The following ADARB1 variants were observed in gnomAD, a reference collection of about 807,000 sequenced individuals.
The protein encoded by ADARB1 is double-stranded RNA-specific editase 1.
ADARB1 carries 10 observed loss-of-function variants against 52.4 expected under a neutral mutation model. The observed-to-expected ratio is 0.19, with a 90% CI of 0.12 to 0.32. The LOEUF is 0.32. ADARB1 is among the 10% of genes least tolerant of loss of function. The pLI, the probability that ADARB1 is intolerant of heterozygous loss-of-function variation, is 1.00. For missense variants in ADARB1, 643 were observed against 922.3 expected (o/e 0.70, Z 3.92); for synonymous variants, 349 against 371.1 (o/e 0.94, Z 0.68).
At chr21:45,209,074 A>G (rs2092719716) in intron 9 of ADARB1, among the ~76,000 whole-genome samples, 2 of 152,236 alleles carry the variant, frequency 1.3e-5, no homozygotes, top group African/African-American at 2.4e-5. Context: ...AATATGTTTA[A>G]ATCACTTTGA....
chr21:45,222,725 C>T lies in ADARB1; in HGVS notation c.*528C>T. 2.0e-6 allele frequency: 2 copies of T among 986,134 alleles called. No individual in the cohort carries two copies. Among genetic ancestry groups the T allele is most frequent in the Non-Finnish European group, 2.4e-6 (2 of 830,472 alleles). 61.1% of individuals were successfully genotyped at this position (986,134 alleles called of 1,614,324 possible). On this transcript the variant is annotated 3_prime_UTR_variant, in exon 11 of 11. Coordinates refer to ENST00000348831, the MANE Select transcript of ADARB1 (RefSeq NM_001112.4). ...AATAGTAGCCTAAAGGAAATCGCCA[C>T]ACGTCTGTCTAAACTTAGGTCTCTT...
At chr21:45,131,821 C>T (rs992277210) in intron 2 of ADARB1, among the ~76,000 whole-genome samples, 5 of 152,252 alleles carry the variant, frequency 3.3e-5, no homozygotes, top group Non-Finnish European at 7.3e-5. Flanking sequence ...AAGGCTTACA[C>T]AGCGTGGAGG....
At chr21:45,125,146 A>C (rs1381542409) in intron 1 of ADARB1, among the ~76,000 whole-genome samples, 1 of 152,182 alleles carries the variant, frequency 6.6e-6, no homozygotes, top group African/African-American at 2.4e-5. Flanking sequence ...TAAGCTTACA[A>C]GCTTTTTGGA....
chr21:45,183,464 C>G lies in ADARB1; in HGVS notation c.1350C>G (p.Pro450=), dbSNP rs1327715270. ...VQFHLYISTS[P]CGDARIFSPH... is the part of the protein sequence containing the mutation. Reference sequence around the variant, plus strand: ...TTCATCTGTACATCAGCACCTCTCCCTGTGGAGATGCCAGAATCTTCTCAC... The same window carrying G: ...TTCATCTGTACATCAGCACCTCTCCGTGTGGAGATGCCAGAATCTTCTCAC... The change falls in exon 7 of 11, where the codon CCC becomes CCG. Residue 450 remains proline (P), a synonymous_variant. Coordinates refer to ENST00000348831, the MANE Select transcript of ADARB1 (RefSeq NM_001112.4). 1.4e-5 allele frequency: 22 copies of G among 1,612,568 alleles called. No individual in the cohort carries two copies. Among genetic ancestry groups the G allele is most frequent in the Non-Finnish European group, 1.8e-5 (21 of 1,179,624 alleles).
chr21:45,127,789 A>G (rs760294720), intron 1 of ADARB1, among the ~76,000 whole-genome samples: 6 of 152,114 alleles, frequency 3.9e-5, no homozygotes, highest in Non-Finnish European at 5.9e-5. Context: ...TCTTTTGGAT[A>G]TCAGTTTGCT....
Position 45,175,905 on chromosome 21 carries a change from G to GAA in ADARB1, c.207_208dup (p.Arg70LysfsTer15). The GAA allele has an allele frequency of 6.2e-7, 1 of 1,610,006 alleles. No individual in the cohort carries two copies. Among genetic ancestry groups the GAA allele is most frequent in the Non-Finnish European group, 8.5e-7 (1 of 1,178,200 alleles). On this transcript the variant is annotated frameshift_variant, in exon 4 of 11. Transcript: ENST00000348831. LOFTEE classifies it high-confidence loss of function. Reference sequence around the variant, plus strand: ...ATGGCCACTCCAAGTACCGCCTGAAGAAAAGGAGGAAAACACCAGGGCCCG... The same window carrying GAA: ...ATGGCCACTCCAAGTACCGCCTGAAGAAAAAAGGAGGAAAACACCAGGGCCCG...
At chr21:45,150,048 C>A (rs1276024343) in intron 2 of ADARB1, among the ~76,000 whole-genome samples, 2 of 152,202 alleles carry the variant, frequency 1.3e-5, no homozygotes, top group Non-Finnish European at 2.9e-5. Context: ...TTTTGGGAGG[C>A]CAAGGAGGGC....
rs186385271 is a variant in ADARB1 at position 45,154,581 on chromosome 21, C to T, written c.-47-17029C>T. Among the ~76,000 whole-genome samples the T allele has an allele frequency of 1.8e-3, 275 of 152,160 alleles. 1 individual carries two copies. Among genetic ancestry groups the T allele is most frequent in the African/African-American group, 6.4e-3 (266 of 41,528 alleles). ...ATGAAAACAATGTAGTAGCAAGTTA[C>T]GGGTTTTAGTTGGCTTCAGTGGCAA... On this transcript the variant is annotated intron_variant, in intron 2 of 10. Coordinates refer to ENST00000348831, the MANE Select transcript of ADARB1 (RefSeq NM_001112.4).
intron 1 of ADARB1, among the ~76,000 whole-genome samples, chr21:45,111,416 C>T (rs1050515017): frequency 6.6e-6 from 1 of 152,172 alleles, no homozygotes; most frequent in Admixed American, 6.5e-5. Flanking sequence ...TATCAACATC[C>T]GTATCCGGAG....
At chr21:45,149,505 T>G (rs1033714184) in intron 2 of ADARB1, among the ~76,000 whole-genome samples, 6 of 152,368 alleles carry the variant, frequency 3.9e-5, no homozygotes, top group South Asian at 2.1e-4. Context: ...ATGTTGTGTC[T>G]TCTTCTTTGA....
intron 9 of ADARB1, among the ~76,000 whole-genome samples, chr21:45,211,814 C>G (rs2092774051): frequency 6.6e-6 from 1 of 152,238 alleles, no homozygotes; most frequent in Non-Finnish European, 1.5e-5. Flanking sequence ...CCCTAGTTCC[C>G]TCTTTGCAGG....
intron 1 of ADARB1, among the ~76,000 whole-genome samples, chr21:45,121,642 A>G (rs773118108): frequency 6.6e-6 from 1 of 152,110 alleles, no homozygotes; most frequent in Non-Finnish European, 1.5e-5. Context: ...CTTCGGTTCT[A>G]CTGCCCAGTT....
At position 45,202,220 on chromosome 21, in the gene ADARB1, G is replaced by A. The variant is rs139894977; in HGVS notation, c.1566-2335G>A. ...AGGGGGGCATGACTTGACCCATGGCGTAGCAGTGGCAGTGGCCAGAAGTCA... is the reference window on the plus strand; with the variant it reads ...AGGGGGGCATGACTTGACCCATGGCATAGCAGTGGCAGTGGCCAGAAGTCA... On this transcript the variant is annotated intron_variant, in intron 8 of 10. Coordinates refer to ENST00000348831, the MANE Select transcript of ADARB1 (RefSeq NM_001112.4). Among the ~76,000 whole-genome samples, 146 of 152,264 alleles carry A rather than the reference G, an allele frequency of 9.6e-4. 1 individual carries two copies. Among genetic ancestry groups the A allele is most frequent in the African/African-American group, 3.4e-3 (141 of 41,546 alleles).
In ADARB1 at chr21:45,206,560, C is replaced by CTTTT. The variant is rs71199660; in HGVS notation, c.1747+1852_1747+1855dup. ...TTTCCTCCTCAATATCTTCTCTGGTCTTTTTTTTTTTTTTTTTTTTTTTTT... is the reference window on the plus strand; with the variant it reads ...TTTCCTCCTCAATATCTTCTCTGGTCTTTTTTTTTTTTTTTTTTTTTTTTTTTTT... On this transcript the variant is annotated intron_variant, in intron 9 of 10. Coordinates refer to ENST00000348831, the MANE Select transcript of ADARB1 (RefSeq NM_001112.4). 9.8e-4 allele frequency among the ~76,000 whole-genome samples: 54 copies of CTTTT among 54,958 alleles called. 2 individuals are homozygous for CTTTT. Among genetic ancestry groups the CTTTT allele is most frequent in the East Asian group, 1.4e-3 (2 of 1,472 alleles). The allele number at this position is 54,958 out of a possible 152,430, so 36.1% of individuals were successfully genotyped here.
chr21:45,151,905 T>A (rs1267173051), intron 2 of ADARB1, among the ~76,000 whole-genome samples: 1 of 152,186 alleles, frequency 6.6e-6, no homozygotes, highest in Non-Finnish European at 1.5e-5. Context: ...CGTTTGCCCC[T>A]CCCTTGGCTG....
intron 2 of ADARB1, among the ~76,000 whole-genome samples, chr21:45,139,007 G>A (rs549814396): frequency 3.2e-4 from 48 of 151,158 alleles, no homozygotes; most frequent in Non-Finnish European, 4.7e-4. Flanking sequence ...TGCAAGCTCC[G>A]CCTCTCGGGT....
intron 2 of ADARB1, among the ~76,000 whole-genome samples, chr21:45,143,211 C>T (rs574819509): frequency 6.6e-6 from 1 of 152,306 alleles, no homozygotes; most frequent in Non-Finnish European, 1.5e-5. Flanking sequence ...TCAGGAATTG[C>T]ACCCAGCATC....
Position 45,223,396 on chromosome 21 carries a change from G to A in ADARB1, c.*1199G>A. 1 of 985,794 alleles carries A rather than the reference G, an allele frequency of 1.0e-6. No individual in the cohort carries two copies. The highest frequency in any genetic ancestry group is 1.2e-6 in the Non-Finnish European group (1 of 830,188). The allele number at this position is 985,794 out of a possible 1,614,324, so 61.1% of individuals were successfully genotyped here. A position where few individuals can be genotyped will look rare whatever the true frequency, so the allele number is the denominator to read the frequency against. Reference sequence around the variant, plus strand: ...GCGTGCACGGGACGGCCCCACGACAGAGGGAGTCAGCCCGGGAGGTCAGGA... The same window carrying A: ...GCGTGCACGGGACGGCCCCACGACAAAGGGAGTCAGCCCGGGAGGTCAGGA... On this transcript the variant is annotated 3_prime_UTR_variant, in exon 11 of 11. Transcript: ENST00000348831.
intron 1 of ADARB1, among the ~76,000 whole-genome samples, chr21:45,099,864 T>A (rs2086925173): frequency 6.6e-6 from 1 of 152,158 alleles, no homozygotes; most frequent in South Asian, 2.1e-4. Context: ...CCCTCCTAGA[T>A]GCTGGACATT....
Sources: gnomAD v4.1 joint callset for allele counts (sites outside exome capture counted in the v4.1 genomes callset) on GRCh38, gnomAD v4.1.1 for gene constraint, MANE v1.5 for transcripts, NCBI Gene and HGNC (gene_info 2026-07-23, HGNC 2026-07-21) for gene names.